The following ZNF143 variants were observed in gnomAD, a reference collection of about 807,000 sequenced individuals.
ZNF143 encodes the protein zinc finger protein 143.
In ZNF143, 49 loss-of-function variants were observed where a neutral mutation model predicts 74.1. The ratio of observed to expected loss-of-function variants is 0.66; its 90% confidence interval spans 0.53 to 0.84. The LOEUF is 0.84. Among genes scored for constraint, ZNF143 ranks in the 40% least tolerant of loss-of-function variants. The pLI, the probability that ZNF143 is intolerant of heterozygous loss-of-function variation, is 0.00. For synonymous variants in ZNF143, 304 were observed against 282.8 expected (o/e 1.07, Z -0.75); for missense variants, 637 against 793.4 (o/e 0.80, Z 2.37).
At chr11:9,468,430 G>T (rs1316847354) in intron 1 of ZNF143, among the ~76,000 whole-genome samples, 1 of 152,130 alleles carries the variant, frequency 6.6e-6, no homozygotes, top group Non-Finnish European at 1.5e-5. Flanking sequence ...CTACCTACCT[G>T]CCAGTCAGTT....
Position 9,505,180 on chromosome 11 carries a change from G to C in ZNF143, c.1148-3439G>C, listed in dbSNP as rs1420606032. Among the ~76,000 whole-genome samples the C allele has an allele frequency of 6.6e-5, 8 of 120,856 alleles. 1 individual carries two copies. The highest frequency in any genetic ancestry group is 1.8e-4 in the Admixed American group (2 of 11,236). The allele number at this position is 120,856 out of a possible 152,430, so 79.3% of individuals were successfully genotyped here. A position where few individuals can be genotyped will look rare whatever the true frequency, so the allele number is the denominator to read the frequency against. On this transcript the variant is annotated intron_variant, in intron 11 of 15. Coordinates refer to ENST00000396602, the MANE Select transcript of ZNF143 (RefSeq NM_003442.6). ...GTAGAGACAGGGTTTCACCATGTTG[G>C]CCAGGATGGTCTCCATCTCCTGACG...
At chr11:9,519,428 G>T (rs1262664977) in intron 14 of ZNF143, among the ~76,000 whole-genome samples, 1 of 152,152 alleles carries the variant, frequency 6.6e-6, no homozygotes, top group Non-Finnish European at 1.5e-5. Flanking sequence ...TTACAGGCGT[G>T]AGCCACCGCA....
At chr11:9,465,361 A>G (rs1279074075) in intron 1 of ZNF143, among the ~76,000 whole-genome samples, 1 of 148,792 alleles carries the variant, frequency 6.7e-6, no homozygotes, top group African/African-American at 2.5e-5. Flanking sequence ...TAATTTTTTT[A>G]TTTTTAGTAG....
chr11:9,501,025 G>A, intron 10 of ZNF143, 66 bp from the exon 11 acceptor site: 1 of 1,579,036 alleles, frequency 6.3e-7, no homozygotes, highest in Non-Finnish European at 8.7e-7. Context: ...CAGGATTGAA[G>A]GATAAGACAT....
chr11:9,519,156 T>G (rs78968334), intron 14 of ZNF143, among the ~76,000 whole-genome samples: 5,594 of 152,204 alleles, frequency 0.037, 313 homozygotes, highest in African/African-American at 0.12. Flanking sequence ...TGTGATTCCT[T>G]TATAGTCAGT....
chr11:9,494,248 C>A (rs752979287), intron 7 of ZNF143, among the ~76,000 whole-genome samples: 3 of 152,148 alleles, frequency 2.0e-5, no homozygotes, highest in Non-Finnish European at 4.4e-5. Flanking sequence ...ACCCACATAA[C>A]AGTTTTGTCT....
intron 14 of ZNF143, among the ~76,000 whole-genome samples, chr11:9,524,158 G>A (rs1231345465): frequency 1.3e-5 from 2 of 151,786 alleles, no homozygotes; most frequent in Non-Finnish European, 2.9e-5. Context: ...TATTCTGGCA[G>A]CCCTGGACTC....
chr11:9,501,665 T>G (rs915460137), intron 11 of ZNF143, among the ~76,000 whole-genome samples: 1 of 152,052 alleles, frequency 6.6e-6, no homozygotes, highest in African/African-American at 2.4e-5. Context: ...GCATACAGAC[T>G]CAATCCTGAA....
intron 2 of ZNF143, among the ~76,000 whole-genome samples, chr11:9,472,059 G>C (rs529988880): frequency 2.5e-4 from 37 of 150,730 alleles, no homozygotes; most frequent in Non-Finnish European, 4.7e-4. Flanking sequence ...CTCCCAAGTA[G>C]CTGAGACTAC....
intron 15 of ZNF143, 121 bp downstream of exon 15, chr11:9,525,507 C>G (rs1849092917): frequency 1.5e-6 from 2 of 1,312,750 alleles, no homozygotes; most frequent in Non-Finnish European, 1.1e-6. Flanking sequence ...TCTCTATCAC[C>G]TAGCCTACTT....
chr11:9,524,475 T>C (rs1395204457), intron 14 of ZNF143, among the ~76,000 whole-genome samples: 4 of 152,224 alleles, frequency 2.6e-5, no homozygotes, highest in African/African-American at 9.6e-5. Context: ...AAGCTAAATA[T>C]CTATTAGCTT....
chr11:9,482,480 C>G (rs1170372088), intron 7 of ZNF143, among the ~76,000 whole-genome samples: 1 of 151,170 alleles, frequency 6.6e-6, no homozygotes, highest in Admixed American at 6.6e-5. Flanking sequence ...CTGTGTTAGC[C>G]AGGATGGTCT....
At chr11:9,483,066 T>C (rs1480479689) in intron 7 of ZNF143, among the ~76,000 whole-genome samples, 3 of 151,158 alleles carry the variant, frequency 2.0e-5, no homozygotes, top group African/African-American at 7.4e-5. Flanking sequence ...TGATTTTGGC[T>C]GACTGCAACC....
chr11:9,479,106 ATC>A (rs1021994632), intron 6 of ZNF143, among the ~76,000 whole-genome samples: 7 of 152,022 alleles, frequency 4.6e-5, no homozygotes, highest in African/African-American at 1.7e-4. Flanking sequence ...TTGAACATGT[ATC>A]TCTCATATAA....
intron 1 of ZNF143, 41 bp downstream of exon 1, chr11:9,461,117 TCCGCCTGG>T: frequency 1.0e-6 from 1 of 981,932 alleles, no homozygotes; most frequent in Non-Finnish European, 1.2e-6. Flanking sequence ...TGCATTATTC[TCCGCCTGG>T]CCGCCGCCCT....
At chr11:9,503,282 T>G (rs891836709) in intron 11 of ZNF143, among the ~76,000 whole-genome samples, 1 of 152,248 alleles carries the variant, frequency 6.6e-6, no homozygotes, top group Non-Finnish European at 1.5e-5. Flanking sequence ...AATAATAGAT[T>G]ACATATGTCA....
At chr11:9,477,474 C>G (rs768639038) in intron 5 of ZNF143, among the ~76,000 whole-genome samples, 4 of 152,154 alleles carry the variant, frequency 2.6e-5, no homozygotes, top group Non-Finnish European at 5.9e-5. Context: ...CTAGGATGGT[C>G]TCAATCTCTT....
intron 5 of ZNF143, 63 bp from the exon 6 acceptor site, chr11:9,478,327 A>T: frequency 6.5e-7 from 1 of 1,541,552 alleles, no homozygotes; most frequent in Non-Finnish European, 8.9e-7. Flanking sequence ...CTCTTCCTTT[A>T]AATATGTAAA....
In ZNF143 at chr11:9,494,899, T is replaced by C. The variant is rs538720730; in HGVS notation, c.765+134T>C. On this transcript the variant is annotated intron_variant, in intron 8 of 15. Coordinates refer to ENST00000396602, the MANE Select transcript of ZNF143 (RefSeq NM_003442.6). ...AGATACTGGCACTTGGTCACACTCA[T>C]ACACAGACATGTAAAAACCTATGCG... is the stretch of plus-strand genomic sequence containing the variant. The C allele has an allele frequency of 1.5e-5, 14 of 918,064 alleles. No homozygotes were observed. In the East Asian group the frequency reaches 2.7e-4, roughly 18 times the overall value. The allele number at this position is 918,064 out of a possible 1,614,324, so 56.9% of individuals were successfully genotyped here. A position where few individuals can be genotyped will look rare whatever the true frequency, so the allele number is the denominator to read the frequency against.
Sources: gnomAD v4.1 joint callset for allele counts (sites outside exome capture counted in the v4.1 genomes callset) on GRCh38, gnomAD v4.1.1 for gene constraint, MANE v1.5 for transcripts, NCBI Gene and HGNC (gene_info 2026-07-23, HGNC 2026-07-21) for gene names.